Variants in PCNX3 observed in about 807,000 individuals in gnomAD.
The protein encoded by PCNX3 is pecanex 3.
A neutral mutation model predicts 207.2 loss-of-function variants in PCNX3; 58 were observed. That is an observed-to-expected ratio of 0.28 (90% confidence interval 0.23 to 0.35). The LOEUF is 0.35. Ranked by LOEUF, PCNX3 falls within the 10% of genes least tolerant of loss-of-function variation. The pLI is 1.00. For missense variants in PCNX3, 2,410 were observed against 2,774.4 expected (o/e 0.87, Z 2.95); for synonymous variants, 1,337 against 1,183.5 (o/e 1.13, Z -2.66).
At chr11:65,617,779 G>A in intron 5 of PCNX3, 73 bp downstream of exon 5, 1 of 1,522,664 alleles carries the variant, frequency 6.6e-7, no homozygotes, top group South Asian at 1.2e-5. Flanking sequence ...CTCAACTTTG[G>A]CTCCATCCTG....
At position 65,622,376 on chromosome 11, in the gene PCNX3, C is replaced by T. The variant is rs1447712930; in HGVS notation, c.2357+10C>T. 1.3e-6 allele frequency: 2 copies of T among 1,588,452 alleles called. No homozygotes were observed. The highest frequency in any genetic ancestry group is 3.5e-5 in the Admixed American group (2 of 57,290). On this transcript the variant is annotated intron_variant, in intron 11 of 34. Coordinates refer to ENST00000355703, the MANE Select transcript of PCNX3 (RefSeq NM_032223.4). ...TGGCTCTGCTGGACCGGTGAGTGTC[C>T]CGCAGCCTTGGCCCCCAATTCTTGG...
chr11:65,629,006 GC>G, intron 24 of PCNX3, 58 bp downstream of exon 24: 1 of 1,590,096 alleles, frequency 6.3e-7, no homozygotes. Context: ...GAGGTTTGGA[GC>G]CCAGGCTGGA....
Position 65,634,119 on chromosome 11 carries a change from C to T in PCNX3, c.4471-7C>T, listed in dbSNP as rs1267064905. 1.2e-6 allele frequency: 2 copies of T among 1,608,968 alleles called. No individual in the cohort carries two copies. Among genetic ancestry groups the T allele is most frequent in the Non-Finnish European group, 8.5e-7 (1 of 1,178,780 alleles). ...CCCCGGCCTGACGCCTGCCCCTCCTCTCCCAGAGCATCATCTACTACGTGA... is the reference window on the plus strand; with the variant it reads ...CCCCGGCCTGACGCCTGCCCCTCCTTTCCCAGAGCATCATCTACTACGTGA... On this transcript the variant is annotated splice_polypyrimidine_tract_variant and splice_region_variant and intron_variant, in intron 27 of 34. Coordinates refer to ENST00000355703, the MANE Select transcript of PCNX3 (RefSeq NM_032223.4).
At position 65,634,293 on chromosome 11, in the gene PCNX3, G is replaced by A. The variant is rs1418847154; in HGVS notation, c.4638G>A (p.Ser1546=). 9 of 1,609,980 alleles carry A rather than the reference G, an allele frequency of 5.6e-6. No individual in the cohort carries two copies. The highest frequency in any genetic ancestry group is 4.5e-5 in the East Asian group (2 of 44,790). ...ATGACCTCCGCCTGTCTGGCCTCTCGCTGCCCTCCTTTTGTGCTGTGCACC... is the reference window on the plus strand; with the variant it reads ...ATGACCTCCGCCTGTCTGGCCTCTCACTGCCCTCCTTTTGTGCTGTGCACC... ...EDYDLRLSGL[S]LPSFCAVHLE... The change falls in exon 28 of 35, where the codon TCG becomes TCA. Residue 1546 remains serine (S), a synonymous_variant. Transcript: ENST00000355703.
chr11:65,628,481 C>A, intron 22 of PCNX3, 114 bp from the exon 23 acceptor site: 1 of 977,958 alleles, frequency 1.0e-6, no homozygotes. Flanking sequence ...TTGAGTTTGG[C>A]CCCCGTGGGC....
intron 27 of PCNX3, among the ~76,000 whole-genome samples, chr11:65,633,132 C>CGGGTCTGCCCTGGCAAA (rs1855681787): frequency 1.3e-5 from 2 of 152,182 alleles, no homozygotes; most frequent in Non-Finnish European, 2.9e-5. Context: ...CAGTCTGGAG[C>CGGGTCTGCCCTGGCAAA]GGGTCTGCCC....
intron 13 of PCNX3, 61 bp downstream of exon 13, chr11:65,624,022 G>A: frequency 1.2e-6 from 2 of 1,602,312 alleles, no homozygotes; most frequent in Non-Finnish European, 1.7e-6. Flanking sequence ...GAGACCAGGT[G>A]GGGAGGAGGG....
Position 65,630,337 on chromosome 11 carries a change from C to T in PCNX3, c.4217-14C>T. 1 of 1,611,948 alleles carries T rather than the reference C, an allele frequency of 6.2e-7. No homozygotes were observed. The highest frequency in any genetic ancestry group is 8.5e-7 in the Non-Finnish European group (1 of 1,179,344). On this transcript the variant is annotated splice_polypyrimidine_tract_variant and intron_variant, in intron 26 of 34. Transcript: ENST00000355703. ...TGTTCTAGCAGCCCCTGACTGCACA[C>T]CCCTCCTCCACAGGCACTTACTGCC... is the stretch of plus-strand genomic sequence containing the variant.
chr11:65,625,259 G>T lies in PCNX3; in HGVS notation c.3008G>T (p.Ser1003Ile). 1 of 1,610,054 alleles carries T rather than the reference G, an allele frequency of 6.2e-7. No individual in the cohort carries two copies. The change falls in exon 17 of 35, where the codon AGC becomes ATC. Residue 1003 changes from serine (S) to isoleucine (I), a missense_variant. Coordinates refer to ENST00000355703, the MANE Select transcript of PCNX3 (RefSeq NM_032223.4). This position sits in a 1 kb window ranked among gnomAD's most constrained non-coding sequence, Gnocchi z 5.6. ...VALSYHLSRQ[S>I]SDPTVLWSLI... ...CTGTCCTACCACCTGAGCCGGCAGAGCAGCGACCCCACCGTGCTCTGGTGG... is the reference window on the plus strand; with the variant it reads ...CTGTCCTACCACCTGAGCCGGCAGATCAGCGACCCCACCGTGCTCTGGTGG...
chr11:65,628,743 CTGT>C, intron 23 of PCNX3, 40 bp downstream of exon 23: 1 of 1,071,254 alleles, frequency 9.3e-7, no homozygotes, highest in Non-Finnish European at 1.3e-6. Context: ...GCAGGGAGGG[CTGT>C]GGCCTGGGGC....
intron 24 of PCNX3, 118 bp from the exon 25 acceptor site, chr11:65,629,239 C>CCTGCATAACGGGG: frequency 9.0e-7 from 1 of 1,110,344 alleles, no homozygotes. Flanking sequence ...TCCTCATCTG[C>CCTGCATAACGGGG]CTGCATAACG....
At position 65,616,284 on chromosome 11, in the gene PCNX3, G is replaced by T. The variant is rs58950470; in HGVS notation, c.-28G>T. 486,237 of 1,532,478 alleles carry T rather than the reference G, an allele frequency of 0.32. 80,865 individuals carry two copies. Among genetic ancestry groups the T allele is most frequent in the Non-Finnish European group, 0.35 (399,862 of 1,145,686 alleles). 94.9% of individuals were successfully genotyped at this position (1,532,478 alleles called of 1,614,324 possible). A position where few individuals can be genotyped will look rare whatever the true frequency, so the allele number is the denominator to read the frequency against. On this transcript the variant is annotated 5_prime_UTR_variant, in exon 1 of 35. Transcript: ENST00000355703. The stretch of plus-strand genomic sequence containing the variant: ...GCCGCCCCCATGAGGGTCCCGGGAG[G>T]GGGGGCGCGGGCAGCAGCGGCGGGG...
At position 65,616,399 on chromosome 11, in the gene PCNX3, T is replaced by G; in HGVS notation, c.88T>G (p.Phe30Val). 6.2e-7 allele frequency: 1 copy of G among 1,610,834 alleles called. No individual in the cohort carries two copies. The highest frequency in any genetic ancestry group is 8.5e-7 in the Non-Finnish European group (1 of 1,179,506). ...GTTCTTCGACCCGCACCAGAGCACC[T>G]TCTCCAACTGCTTCCACCTCTATGT... The part of the protein sequence containing the change: ...GWFFDPHQST[F>V]SNCFHLYVWI... The change falls in exon 1 of 35, where the codon TTC (phenylalanine) becomes GTC (valine). Residue 30 changes from phenylalanine to valine, a missense_variant. This residue lies in a region of PCNX3 where 1,104 missense variants were observed against 970.3 expected (regional missense o/e 1.14). Coordinates refer to ENST00000355703, the MANE Select transcript of PCNX3 (RefSeq NM_032223.4).
chr11:65,620,612 C>T (rs907488149), intron 9 of PCNX3, among the ~76,000 whole-genome samples, 183 bp downstream of exon 9: 2 of 152,164 alleles, frequency 1.3e-5, no homozygotes, highest in Non-Finnish European at 2.9e-5. Flanking sequence ...CATGACACTC[C>T]GGGCAGGAAG....
At chr11:65,623,187 C>T (rs1479440933) in intron 11 of PCNX3, among the ~76,000 whole-genome samples, 3 of 152,234 alleles carry the variant, frequency 2.0e-5, no homozygotes, top group East Asian at 1.9e-4. Flanking sequence ...GATGTAGCCA[C>T]GTGCAGTTAA....
intron 27 of PCNX3, among the ~76,000 whole-genome samples, chr11:65,631,723 G>T (rs1478128798): frequency 6.6e-6 from 1 of 151,950 alleles, no homozygotes; most frequent in Non-Finnish European, 1.5e-5. Context: ...GGGGTGGCCT[G>T]CTGATCACAG....
Position 65,622,330 on chromosome 11 carries a change from G to A in PCNX3, c.2321G>A (p.Arg774His), listed in dbSNP as rs544833875. 10 of 1,596,186 alleles carry A rather than the reference G, an allele frequency of 6.3e-6. No homozygotes were observed. In the Admixed American group the frequency reaches 8.6e-5, roughly 14 times the overall value. The change falls in exon 11 of 35, where the codon CGC becomes CAC. Residue 774 changes from arginine to histidine, a missense_variant. Around this residue, in one of 8 missense-constraint regions of PCNX3, gnomAD observed 177 missense variants for 257.5 expected, o/e 0.69. Transcript: ENST00000355703. ...CTCCCTGGCCGCTGGACCTCTGTGC[G>A]CTATGAGCGGCTTGCCCTGCTGGCT... The part of the protein sequence containing the change: ...WLLPGRWTSV[R>H]YERLALLALL...
At chr11:65,634,921 C>A in intron 29 of PCNX3, 52 bp from the exon 30 acceptor site, 1 of 1,578,512 alleles carries the variant, frequency 6.3e-7, no homozygotes, top group Non-Finnish European at 8.6e-7. Flanking sequence ...GAAGCCTTAC[C>A]CCTGGGTCCT....
rs953455707 is a variant in PCNX3 at position 65,628,765 on chromosome 11, G to A, written c.3812-54G>A. 1.9e-6 allele frequency: 3 copies of A among 1,595,550 alleles called. No homozygotes were observed. In the African/African-American group the frequency reaches 4.1e-5, roughly 22 times the overall value. On this transcript the variant is annotated intron_variant, in intron 23 of 34. Transcript: ENST00000355703. The stretch of plus-strand genomic sequence containing the variant: ...GGGCTGTGGCCTGGGGCAGTGGGGG[G>A]TGGTGGGGGGCTGGGAGGTCCTGTT...
Sources: gnomAD v4.1 joint callset for allele counts (sites outside exome capture counted in the v4.1 genomes callset) on GRCh38, gnomAD v4.1.1 for gene constraint, gnomAD v4.1.1 regional missense constraint, Gnocchi (gnomAD v3.1) non-coding constraint, MANE v1.5 for transcripts, NCBI Gene and HGNC (gene_info 2026-07-23, HGNC 2026-07-21) for gene names.